Variants in UNC79 observed in about 807,000 individuals in gnomAD.
UNC79 encodes the protein protein unc-79 homolog.
A neutral mutation model predicts 283.1 loss-of-function variants in UNC79; 37 were observed. The ratio of observed to expected loss-of-function variants is 0.13; its 90% CI spans 0.10 to 0.17. The LOEUF (loss-of-function observed/expected upper bound fraction) is 0.17, where lower values mean the gene tolerates loss of function less well. UNC79 is among the 10% of genes least tolerant of loss of function. UNC79 has a pLI of 1.00. For missense variants in UNC79, 2,272 were observed against 3,211.1 expected (o/e 0.71, Z 7.07); for synonymous variants, 1,107 against 1,200.2 (o/e 0.92, Z 1.61).
intron 46 of UNC79, 130 bp downstream of exon 49, chr14:93,692,076 C>A: frequency 9.2e-7 from 1 of 1,091,124 alleles, no homozygotes; most frequent in Non-Finnish European, 1.3e-6. Flanking sequence ...GATATGTTAC[C>A]TTATAAGCTG....
intron 14 of UNC79, among the ~76,000 whole-genome samples, chr14:93,556,796 T>C (rs1210289903): frequency 6.6e-6 from 1 of 152,212 alleles, no homozygotes; most frequent in African/African-American, 2.4e-5. Context: ...TTTTAATTAA[T>C]ATCATTTACC....
chr14:93,339,946 A>G (rs971740265), intron 1 of UNC79, among the ~76,000 whole-genome samples: 3 of 152,218 alleles, frequency 2.0e-5, no homozygotes, highest in Non-Finnish European at 4.4e-5. Flanking sequence ...AACGGGAAGT[A>G]ATAAGGAGAA....
intron 23 of UNC79, among the ~76,000 whole-genome samples, chr14:93,595,707 A>G (rs2065030817): frequency 6.6e-6 from 1 of 152,050 alleles, no homozygotes; most frequent in South Asian, 2.1e-4. Flanking sequence ...CCCTGTGGAG[A>G]GTGGTTTATG....
chr14:93,411,404 T>C (rs1316190379), intron 1 of UNC79, among the ~76,000 whole-genome samples: 1 of 152,206 alleles, frequency 6.6e-6, no homozygotes, highest in Non-Finnish European at 1.5e-5. Flanking sequence ...GAAGCCTAGC[T>C]GGCTTCCCTG....
At chr14:93,420,351 A>G (rs1480706690) in intron 1 of UNC79, among the ~76,000 whole-genome samples, 1 of 151,770 alleles carries the variant, frequency 6.6e-6, no homozygotes, top group African/African-American at 2.4e-5. Flanking sequence ...CAAGACAAAA[A>G]CTATAAGAGA....
intron 1 of UNC79, among the ~76,000 whole-genome samples, chr14:93,334,204 T>A (rs1460169846): frequency 1.3e-5 from 2 of 152,258 alleles, no homozygotes; most frequent in Admixed American, 6.5e-5. Flanking sequence ...ATCATTGTTG[T>A]TTTCCTCTGG....
intron 33 of UNC79, among the ~76,000 whole-genome samples, chr14:93,642,734 AT>A (rs2069180575): frequency 6.6e-6 from 1 of 152,148 alleles, no homozygotes; most frequent in Admixed American, 6.5e-5. Context: ...TAAAATGTCA[AT>A]TTGTAAGAAA....
chr14:93,610,902 T>A (rs959284214), intron 26 of UNC79, among the ~76,000 whole-genome samples: 10 of 152,216 alleles, frequency 6.6e-5, no homozygotes, highest in African/African-American at 2.4e-4. Flanking sequence ...TGAGCCACTT[T>A]GCCCAGCCTG....
intron 1 of UNC79, among the ~76,000 whole-genome samples, chr14:93,431,358 T>A (rs1327144955): frequency 6.6e-6 from 1 of 151,620 alleles, no homozygotes; most frequent in Admixed American, 6.6e-5. Context: ...AGGCCTCGTA[T>A]CTTTCAGATA....
intron 2 of UNC79, among the ~76,000 whole-genome samples, chr14:93,473,050 A>G (rs1260099695): frequency 1.3e-5 from 2 of 152,082 alleles, no homozygotes; most frequent in Non-Finnish European, 2.9e-5. Context: ...AAAGGTTTTT[A>G]TTTTAAAATT....
intron 1 of UNC79, among the ~76,000 whole-genome samples, chr14:93,454,668 T>C (rs887211989): frequency 1.5e-4 from 23 of 152,200 alleles, no homozygotes; most frequent in African/African-American, 5.3e-4. Context: ...ATTCAGAATT[T>C]AGAATTATTA....
At chr14:93,461,217 A>G (rs536764520) in intron 1 of UNC79, among the ~76,000 whole-genome samples, 213 of 152,272 alleles carry the variant, frequency 1.4e-3, no homozygotes, top group African/African-American at 4.7e-3. Flanking sequence ...TTTTCCTTTT[A>G]TGATAATGAG....
At chr14:93,442,850 AG>A (rs2056346545) in intron 1 of UNC79, among the ~76,000 whole-genome samples, 1 of 152,278 alleles carries the variant, frequency 6.6e-6, no homozygotes, top group South Asian at 2.1e-4. Flanking sequence ...GCACTTTGGG[AG>A]GCCAAAGTGG....
At chr14:93,573,866 G>A (rs1322046826) in intron 16 of UNC79, among the ~76,000 whole-genome samples, 4 of 152,124 alleles carry the variant, frequency 2.6e-5, no homozygotes, top group African/African-American at 7.2e-5. Flanking sequence ...TTAGCTGGTC[G>A]TGGTGACGCA....
chr14:93,355,964 A>G (rs1221446372), intron 1 of UNC79, among the ~76,000 whole-genome samples: 3 of 151,354 alleles, frequency 2.0e-5, no homozygotes, highest in Admixed American at 1.3e-4. Flanking sequence ...CTGTGTTCCC[A>G]TGACATCCGT....
chr14:93,631,900 C>T (rs2068064676), intron 31 of UNC79, among the ~76,000 whole-genome samples: 1 of 152,202 alleles, frequency 6.6e-6, no homozygotes, highest in African/African-American at 2.4e-5. Context: ...AGTTTGCAGT[C>T]ATAATAGTAA....
At chr14:93,579,145 G>T (rs548937054) in intron 18 of UNC79, among the ~76,000 whole-genome samples, 1 of 152,138 alleles carries the variant, frequency 6.6e-6, no homozygotes, top group Non-Finnish European at 1.5e-5. Flanking sequence ...GACCACAGAT[G>T]TGATGTTATG....
chr14:93,357,147 G>T (rs1158593848), intron 1 of UNC79, among the ~76,000 whole-genome samples: 1 of 152,198 alleles, frequency 6.6e-6, no homozygotes, highest in Non-Finnish European at 1.5e-5. Context: ...TAGGACGTGT[G>T]TTAATTCACA....
intron 1 of UNC79, among the ~76,000 whole-genome samples, chr14:93,423,924 C>T (rs1485654481): frequency 7.2e-5 from 11 of 152,090 alleles, no homozygotes; most frequent in Admixed American, 7.2e-4. Context: ...TAGTGAAGGG[C>T]TAACCCACAG....
Sources: allele counts gnomAD v4.1 joint callset (sites outside exome capture counted in the v4.1 genomes callset), GRCh38; gene constraint gnomAD v4.1.1; transcripts MANE v1.5; gene names NCBI Gene and HGNC (gene_info 2026-07-23, HGNC 2026-07-21).